Variants in ALPK2 observed in about 807,000 individuals in gnomAD.
ALPK2 encodes the protein alpha kinase 2.
A neutral mutation model predicts 163.1 loss-of-function variants in ALPK2; 127 were observed. The observed-to-expected ratio is 0.78, with a 90% CI of 0.67 to 0.90. The LOEUF is 0.90. Ranked by LOEUF, ALPK2 falls within the 40% of genes least tolerant of loss-of-function variation. ALPK2 has a pLI of 0.00. For missense variants in ALPK2, 2,360 were observed against 2,589.6 expected, an observed-to-expected ratio of 0.91 and a Z score of 1.92; for synonymous variants, 953 against 959.1, an observed-to-expected ratio of 0.99 and a Z score of 0.12.
Position 58,537,617 on chromosome 18 carries a change from T to C in ALPK2, c.2570A>G (p.Asp857Gly). 1 of 1,613,548 alleles carries C rather than the reference T, an allele frequency of 6.2e-7. No homozygotes were observed. Among genetic ancestry groups the C allele is most frequent in the Non-Finnish European group, 8.5e-7 (1 of 1,179,500 alleles). ...CTGAAAAAAGACTTCCAGTGTCTTG[T>C]CATTAGAAGAACATAAATCAGATAC... The part of the protein sequence containing the change: ...NKVSDLCSSN[D>G]KTLEVFFQTQ... The change falls in exon 5 of 13, where the codon GAC becomes GGC. Residue 857 changes from aspartate to glycine, a missense_variant. Physicochemically the swap from Asp to Gly is moderately conservative, Grantham distance 94 (BLOSUM62 -1). Coordinates refer to ENST00000361673, the MANE Select transcript of ALPK2 (RefSeq NM_052947.4).
At chr18:58,569,953 ACC>A (rs1178930460) in intron 4 of ALPK2, among the ~76,000 whole-genome samples, 3 of 152,014 alleles carry the variant, frequency 2.0e-5, no homozygotes, top group Admixed American at 6.5e-5. Flanking sequence ...ACATGGTGAA[ACC>A]CCGTCTCTAC....
intron 10 of ALPK2, among the ~76,000 whole-genome samples, chr18:58,508,428 GAGATAGGAGGTTAGCACAGGAT>G (rs959737169): frequency 5.3e-5 from 8 of 152,324 alleles, no homozygotes; most frequent in East Asian, 1.9e-4. Flanking sequence ...GTCACAGGAT[GAGATAGGAGGTTAGCACAGGAT>G]AGATAGGAGG....
intron 12 of ALPK2, among the ~76,000 whole-genome samples, chr18:58,483,705 C>A (rs2051323591): frequency 2.7e-5 from 4 of 149,982 alleles, no homozygotes; most frequent in African/African-American, 9.8e-5. Context: ...CATCCACCAC[C>A]ACACCCGGCT....
At chr18:58,567,039 A>T (rs542107785) in intron 4 of ALPK2, among the ~76,000 whole-genome samples, 1 of 152,002 alleles carries the variant, frequency 6.6e-6, no homozygotes, top group Admixed American at 6.5e-5. Context: ...CATATTAAAA[A>T]TGCAGGTTCA....
chr18:58,616,656 C>T (rs535483375), intron 1 of ALPK2, among the ~76,000 whole-genome samples: 60 of 152,292 alleles, frequency 3.9e-4, no homozygotes, highest in African/African-American at 1.4e-3. Context: ...TGGCACATCC[C>T]AACTCCATGG....
At chr18:58,609,922 A>T (rs777601147) in intron 2 of ALPK2, among the ~76,000 whole-genome samples, 3 of 152,134 alleles carry the variant, frequency 2.0e-5, no homozygotes, top group Non-Finnish European at 4.4e-5. Flanking sequence ...ACCATCACGG[A>T]GACAGAAGCC....
At chr18:58,568,559 C>T (rs7229140) in intron 4 of ALPK2, among the ~76,000 whole-genome samples, 22,639 of 152,084 alleles carry the variant, frequency 0.15, 1,920 homozygotes, top group African/African-American at 0.22. Flanking sequence ...AAATAAGGAC[C>T]TCCGGGGTGG....
chr18:58,502,747 C>T (rs1304361338), intron 11 of ALPK2, among the ~76,000 whole-genome samples: 1 of 152,258 alleles, frequency 6.6e-6, no homozygotes, highest in Non-Finnish European at 1.5e-5. Context: ...GGCTCCACCT[C>T]TTAGTGCCAC....
intron 1 of ALPK2, among the ~76,000 whole-genome samples, chr18:58,612,873 T>C (rs2052140413): frequency 6.6e-6 from 1 of 152,150 alleles, no homozygotes; most frequent in African/African-American, 2.4e-5. Context: ...CAGGCGGTTC[T>C]CCCACACCAC....
chr18:58,576,698 C>T (rs900455014), intron 4 of ALPK2, among the ~76,000 whole-genome samples: 4 of 152,036 alleles, frequency 2.6e-5, no homozygotes, highest in African/African-American at 9.7e-5. Context: ...AAACTTTTTG[C>T]GTGGGTAAAA....
intron 4 of ALPK2, among the ~76,000 whole-genome samples, chr18:58,542,338 C>T (rs2051694070): frequency 6.6e-6 from 1 of 152,230 alleles, no homozygotes; most frequent in East Asian, 1.9e-4. Flanking sequence ...TTTCCTTCTT[C>T]TCTGTGAAAA....
At chr18:58,622,263 C>A (rs1243653181) in intron 1 of ALPK2, among the ~76,000 whole-genome samples, 3 of 152,248 alleles carry the variant, frequency 2.0e-5, no homozygotes, top group Middle Eastern at 3.4e-3. Context: ...AGGAGAATTG[C>A]TTGAGCCCGG....
rs1453315038 is a variant in ALPK2, at chr18:58,580,225, A to C, written c.551T>G (p.Val184Gly). Reference protein sequence around the residue: ...LQSLGNLDISVSSSENPLGVK... With the variant: ...LQSLGNLDISGSSSENPLGVK... ...ACCCAAAGGATTTTCAGAACTGGAC[A>C]CACTAATGTCAAGATTGCCCAATGA... The change falls in exon 4 of 13, where the codon GTG becomes GGG. Residue 184 changes from valine to glycine, a missense_variant. Physicochemically the swap from Val to Gly is moderately radical, Grantham distance 109. Transcript: ENST00000361673. 1 of 1,614,212 alleles carries C rather than the reference A, an allele frequency of 6.2e-7. No homozygotes were observed. The highest frequency in any genetic ancestry group is 8.5e-7 in the Non-Finnish European group (1 of 1,180,032).
intron 3 of ALPK2, among the ~76,000 whole-genome samples, chr18:58,585,598 G>A (rs1469933608): frequency 2.6e-5 from 4 of 151,276 alleles, no homozygotes; most frequent in African/African-American, 4.9e-5. Context: ...TGATATATAC[G>A]AAGATTAGTT....
Position 58,578,731 on chromosome 18 carries a change from G to GACACACACACACACAC in ALPK2, c.1962+82_1962+83insGTGTGTGTGTGTGTGT, listed in dbSNP as rs1478568401. On this transcript the variant is annotated intron_variant, in intron 4 of 12. Coordinates refer to ENST00000361673, the MANE Select transcript of ALPK2 (RefSeq NM_052947.4). ...CAATTGTGAATGTGAAGTAAAGGAA[G>GACACACACACACACAC]AGACACACACACACACACACACACA... is the stretch of plus-strand genomic sequence containing the variant. 176 of 104,282 alleles carry GACACACACACACACAC rather than the reference G, an allele frequency of 1.7e-3. 1 individual carries two copies. The African/African-American group carries it at 0.029, about 17-fold the overall frequency. The allele number at this position is 104,282 out of a possible 1,614,324, so 6.5% of individuals were successfully genotyped here. A position where few individuals can be genotyped will look rare whatever the true frequency, so the allele number is the denominator to read the frequency against.
intron 1 of ALPK2, among the ~76,000 whole-genome samples, chr18:58,625,702 G>T (rs1453610554): frequency 6.6e-6 from 1 of 152,260 alleles, no homozygotes. Flanking sequence ...GAGCAGGATT[G>T]AAAATCAAGT....
intron 1 of ALPK2, 119 bp downstream of exon 1, chr18:58,628,645 C>T (rs1217279229): frequency 6.6e-6 from 1 of 152,202 alleles, no homozygotes; most frequent in Non-Finnish European, 1.5e-5. Context: ...CTATTGGTTT[C>T]ATCTCATTCT....
intron 10 of ALPK2, among the ~76,000 whole-genome samples, chr18:58,506,193 C>G (rs1288219475): frequency 3.9e-5 from 6 of 151,910 alleles, no homozygotes; most frequent in Admixed American, 2.6e-4. Flanking sequence ...AAGATGGCAA[C>G]AGTAGACACC....
At chr18:58,514,138 A>G (rs916858268) in intron 10 of ALPK2, among the ~76,000 whole-genome samples, 9 of 152,232 alleles carry the variant, frequency 5.9e-5, no homozygotes, top group Non-Finnish European at 8.8e-5. Flanking sequence ...CAGAAAAGCA[A>G]TTGTAAGTGG....
Sources: gnomAD v4.1 joint callset for allele counts (sites outside exome capture counted in the v4.1 genomes callset) on GRCh38, gnomAD v4.1.1 for gene constraint, MANE v1.5 for transcripts, NCBI Gene and HGNC (gene_info 2026-07-23, HGNC 2026-07-21) for gene names.